Variants in ZRANB3 observed in about 807,000 individuals in gnomAD.
ZRANB3 encodes DNA annealing helicase and endonuclease ZRANB3.
A neutral mutation model predicts 133.8 loss-of-function variants in ZRANB3; 125 were observed. The ratio of observed to expected loss-of-function variants is 0.93; its 90% CI spans 0.81 to 1.08. The LOEUF (loss-of-function observed/expected upper bound fraction) is 1.08, where lower values mean the gene tolerates loss of function less well. ZRANB3 is among the 50% of genes least tolerant of loss of function. ZRANB3 has a pLI of 0.00. For synonymous variants in ZRANB3, 387 were observed against 432.7 expected, an observed-to-expected ratio of 0.89 and a Z score of 1.31; for missense variants, 1,229 against 1,275.5, an observed-to-expected ratio of 0.96 and a Z score of 0.56.
Position 135,313,621 on chromosome 2 carries a change from T to C in ZRANB3, c.850-16A>G. 6 of 1,513,498 alleles carry C rather than the reference T, an allele frequency of 4.0e-6. No homozygotes were observed. The highest frequency in any genetic ancestry group is 5.5e-6 in the Non-Finnish European group (6 of 1,090,634). 93.8% of individuals were successfully genotyped at this position (1,513,498 alleles called of 1,614,324 possible). ...TATTCAATTCCTATGTGGGAAAAAA[T>C]AACACTGTTTATGAATATAGCATAA... On this transcript the variant is annotated splice_polypyrimidine_tract_variant and intron_variant, in intron 7 of 20. Transcript: ENST00000264159.
intron 2 of ZRANB3, among the ~76,000 whole-genome samples, chr2:135,479,728 C>T (rs976076964): frequency 6.6e-6 from 1 of 151,908 alleles, no homozygotes; most frequent in Non-Finnish European, 1.5e-5. Context: ...CACGGAGAGC[C>T]AAGTCTCTCT....
intron 2 of ZRANB3, among the ~76,000 whole-genome samples, chr2:135,430,960 C>T (rs191787343): frequency 1.3e-4 from 19 of 151,960 alleles, no homozygotes; most frequent in African/African-American, 1.7e-4. Flanking sequence ...ATAGCAAAAA[C>T]GGTACAACTT....
intron 2 of ZRANB3, among the ~76,000 whole-genome samples, chr2:135,416,532 C>T (rs915303663): frequency 6.6e-5 from 10 of 151,692 alleles, no homozygotes; most frequent in African/African-American, 1.9e-4. Flanking sequence ...GGCCATACTG[C>T]CCAAGGTAAT....
intron 8 of ZRANB3, among the ~76,000 whole-genome samples, chr2:135,303,690 A>C (rs1682552034): frequency 6.6e-6 from 1 of 152,210 alleles, no homozygotes; most frequent in South Asian, 2.1e-4. Flanking sequence ...TTATGCAAAA[A>C]AGACTACAAG....
At chr2:135,527,153 T>G (rs1457268066) in intron 1 of ZRANB3, among the ~76,000 whole-genome samples, 1 of 152,178 alleles carries the variant, frequency 6.6e-6, no homozygotes, top group East Asian at 1.9e-4. Context: ...CACTCATATT[T>G]GGCTCAGCAT....
chr2:135,272,414 C>CTT lies in ZRANB3; in HGVS notation c.1087-529_1087-528dup, dbSNP rs112209442. On this transcript the variant is annotated intron_variant, in intron 9 of 20. Coordinates refer to ENST00000264159, the MANE Select transcript of ZRANB3 (RefSeq NM_032143.4). ...CCAAATATTAACTGGGAAAATAGAG[C>CTT]TTTTTTTTTTTTTTTTTTGTGACGG... 2.1e-3 allele frequency among the ~76,000 whole-genome samples: 222 copies of CTT among 107,740 alleles called. 14 individuals carry two copies. Among genetic ancestry groups the CTT allele is most frequent in the African/African-American group, 6.8e-3 (150 of 22,136 alleles). 70.7% of individuals were successfully genotyped at this position (107,740 alleles called of 152,430 possible). A position where few individuals can be genotyped will look rare whatever the true frequency, so the allele number is the denominator to read the frequency against.
At chr2:135,387,765 C>T (rs1241356443) in intron 3 of ZRANB3, among the ~76,000 whole-genome samples, 2 of 151,836 alleles carry the variant, frequency 1.3e-5, no homozygotes, top group African/African-American at 2.4e-5. Flanking sequence ...AAATATTAAA[C>T]GGATTTTGCA....
At chr2:135,312,925 AAGG>A (rs1260007991) in intron 8 of ZRANB3, among the ~76,000 whole-genome samples, 3 of 151,468 alleles carry the variant, frequency 2.0e-5, no homozygotes, top group South Asian at 2.1e-4. Context: ...GAGGCTGAGG[AAGG>A]AGAATTGCTT....
chr2:135,335,719 A>AACAAAACAAAACAAAACAAC (rs1684340189), intron 6 of ZRANB3, among the ~76,000 whole-genome samples: 3 of 152,050 alleles, frequency 2.0e-5, no homozygotes, highest in Admixed American at 1.3e-4. Flanking sequence ...AACAAAACAA[A>AACAAAACAAAACAAAACAAC]ACAACAAAAA....
At chr2:135,309,200 C>T (rs948346399) in intron 8 of ZRANB3, among the ~76,000 whole-genome samples, 3 of 151,976 alleles carry the variant, frequency 2.0e-5, no homozygotes, top group South Asian at 4.2e-4. Context: ...CCAGGATGGT[C>T]TTGATCTCCT....
intron 8 of ZRANB3, among the ~76,000 whole-genome samples, chr2:135,294,810 TG>T (rs1681955482): frequency 6.6e-6 from 1 of 152,210 alleles, no homozygotes; most frequent in Non-Finnish European, 1.5e-5. Flanking sequence ...TTGTTCTCGT[TG>T]GTTTCAAAGA....
At chr2:135,520,464 G>A (rs1472336400) in intron 1 of ZRANB3, among the ~76,000 whole-genome samples, 1 of 150,656 alleles carries the variant, frequency 6.6e-6, no homozygotes. Context: ...TCTGCCTGGA[G>A]TACAGGGGTG....
chr2:135,255,856 C>A (rs1679626969), intron 12 of ZRANB3, among the ~76,000 whole-genome samples: 1 of 151,440 alleles, frequency 6.6e-6, no homozygotes, highest in Non-Finnish European at 1.5e-5. Context: ...AAAACAAAAA[C>A]AACCCTCCTC....
intron 6 of ZRANB3, among the ~76,000 whole-genome samples, chr2:135,320,830 T>G (rs558814894): frequency 1.3e-5 from 2 of 152,350 alleles, no homozygotes; most frequent in East Asian, 3.9e-4. Context: ...TGGCAACCAT[T>G]AATCTGTTTT....
chr2:135,280,086 A>G (rs58395208), intron 8 of ZRANB3, among the ~76,000 whole-genome samples: 9,345 of 152,244 alleles, frequency 0.061, 566 homozygotes, highest in African/African-American at 0.16. Context: ...AGTACATAGT[A>G]TGTGGAATAG....
At chr2:135,219,685 G>A (rs1385809708) in intron 15 of ZRANB3, among the ~76,000 whole-genome samples, 1 of 152,138 alleles carries the variant, frequency 6.6e-6, no homozygotes, top group Non-Finnish European at 1.5e-5. Context: ...CCTGTCCATT[G>A]TTACAGGAAC....
intron 12 of ZRANB3, 130 bp downstream of exon 12, chr2:135,265,404 T>C (rs1680183140): frequency 1.9e-6 from 2 of 1,061,448 alleles, no homozygotes; most frequent in Non-Finnish European, 2.6e-6. Context: ...TCTAAGAGGG[T>C]TTCCAGCTTT....
intron 1 of ZRANB3, chr2:135,511,940 C>T: frequency 1.3e-6 from 1 of 752,668 alleles, no homozygotes; most frequent in Non-Finnish European, 2.5e-6. Context: ...TTCTCCATCA[C>T]CATTGCTTTG....
intron 2 of ZRANB3, among the ~76,000 whole-genome samples, chr2:135,393,242 T>A (rs1260275150): frequency 2.0e-5 from 3 of 152,106 alleles, no homozygotes; most frequent in East Asian, 1.9e-4. Flanking sequence ...GAGTAAAAAA[T>A]TTATTACATT....
Sources: gnomAD v4.1 joint callset for allele counts (sites outside exome capture counted in the v4.1 genomes callset) on GRCh38, gnomAD v4.1.1 for gene constraint, MANE v1.5 for transcripts, NCBI Gene and HGNC (gene_info 2026-07-23, HGNC 2026-07-21) for gene names.